Variants in CCDC85A observed in about 807,000 individuals in gnomAD.
CCDC85A encodes coiled-coil domain-containing protein 85A.
Under a neutral mutation model 50.2 loss-of-function variants are expected in CCDC85A, and 38 were observed. The observed-to-expected ratio is 0.76, with a 90% CI of 0.58 to 0.99. CCDC85A has a LOEUF of 0.99. CCDC85A is among the 50% of genes least tolerant of loss of function. The pLI is 0.00. For missense variants in CCDC85A, 820 were observed against 742.0 expected (o/e 1.11, Z -1.22); for synonymous variants, 366 against 301.4 (o/e 1.21, Z -2.22).
intron 2 of CCDC85A, among the ~76,000 whole-genome samples, chr2:56,242,364 G>C (rs1573085156): frequency 6.6e-6 from 1 of 152,068 alleles, no homozygotes; most frequent in South Asian, 2.1e-4. Flanking sequence ...GCTTGCATCT[G>C]CTTGGTTTCC....
intron 2 of CCDC85A, among the ~76,000 whole-genome samples, chr2:56,309,429 C>G (rs1271870321): frequency 6.6e-6 from 1 of 152,050 alleles, no homozygotes; most frequent in Non-Finnish European, 1.5e-5. Flanking sequence ...GACTAGGTTT[C>G]TAAAATATTT....
At chr2:56,241,324 C>A (rs1318774457) in intron 2 of CCDC85A, among the ~76,000 whole-genome samples, 1 of 152,056 alleles carries the variant, frequency 6.6e-6, no homozygotes, top group African/African-American at 2.4e-5. Flanking sequence ...GTGTTACAAA[C>A]AATCCAGTTA....
chr2:56,351,537 C>T (rs10166259), intron 3 of CCDC85A, among the ~76,000 whole-genome samples: 38,709 of 125,588 alleles, frequency 0.31, 9,485 homozygotes, highest in African/African-American at 0.59. Context: ...TTTTAATGAT[C>T]GCCATTCTAA....
chr2:56,293,054 C>T (rs1671788819), intron 2 of CCDC85A, among the ~76,000 whole-genome samples: 1 of 152,172 alleles, frequency 6.6e-6, no homozygotes, highest in Non-Finnish European at 1.5e-5. Context: ...GACCAGGCTA[C>T]CCCCAGCTGG....
At chr2:56,360,200 A>C (rs940907388) in intron 3 of CCDC85A, among the ~76,000 whole-genome samples, 1 of 152,270 alleles carries the variant, frequency 6.6e-6, no homozygotes, top group Non-Finnish European at 1.5e-5. Context: ...ATGCTTGGTC[A>C]GTGACTAATG....
intron 3 of CCDC85A, among the ~76,000 whole-genome samples, chr2:56,348,757 T>TG: frequency 6.6e-6 from 1 of 152,322 alleles, no homozygotes; most frequent in South Asian, 2.1e-4. Flanking sequence ...ATTACTAGCA[T>TG]GGGGGCAGAG....
At position 56,355,505 on chromosome 2, in the gene CCDC85A, A is replaced by T. The variant is rs544045376; in HGVS notation, c.1317+12550A>T. Among the ~76,000 whole-genome samples, 206 of 152,294 alleles carry T rather than the reference A, an allele frequency of 1.4e-3. 1 individual carries two copies. The highest frequency in any genetic ancestry group is 4.1e-3 in the African/African-American group (170 of 41,576). ...ATATTTGTGATTTCAGAAATGCTTA[A>T]TTGAGACCAAAATAATGAAGCCCTC... is the stretch of plus-strand genomic sequence containing the variant. On this transcript the variant is annotated intron_variant, in intron 3 of 5. Coordinates refer to ENST00000407595, the MANE Select transcript of CCDC85A (RefSeq NM_001080433.2).
Position 56,192,912 on chromosome 2 carries a change from C to A in CCDC85A, c.712C>A (p.Gln238Lys). Residue 238 changes from glutamine to lysine, a missense_variant, in exon 2 of 6, where the codon CAG becomes AAG. Gln to Lys is a moderately conservative substitution (Grantham distance 53). Coordinates refer to ENST00000407595, the MANE Select transcript of CCDC85A (RefSeq NM_001080433.2). The surrounding 1 kb of genome is among the most constrained non-coding windows in gnomAD (Gnocchi z 4.7). ...GAGCAGTGGCAGCCCGGAGCACCTG[C>A]AGAAGCCCCGGAGCGAGGGCAGCCC... ...HASSGSPEHL[Q>K]KPRSEGSPEH... 2 of 1,611,534 alleles carry A rather than the reference C, an allele frequency of 1.2e-6. No homozygotes were observed. Among genetic ancestry groups the A allele is most frequent in the Non-Finnish European group, 1.7e-6 (2 of 1,179,138 alleles).
chr2:56,322,463 C>A (rs892350377), intron 2 of CCDC85A, among the ~76,000 whole-genome samples: 1 of 151,996 alleles, frequency 6.6e-6, no homozygotes, highest in Non-Finnish European at 1.5e-5. Context: ...ATCAAACAAC[C>A]CCATTAAAAA....
chr2:56,254,375 G>A (rs185524960), intron 2 of CCDC85A, among the ~76,000 whole-genome samples: 5 of 152,156 alleles, frequency 3.3e-5, no homozygotes, highest in Non-Finnish European at 5.9e-5. Context: ...GGATAAAAAT[G>A]TGGACCCCAT....
chr2:56,187,189 G>A (rs185011643), intron 1 of CCDC85A, among the ~76,000 whole-genome samples: 3 of 151,392 alleles, frequency 2.0e-5, no homozygotes, highest in Non-Finnish European at 4.4e-5. Context: ...AAGAAAAGAA[G>A]TATTTTTTTT....
At chr2:56,213,981 T>C (rs1004466121) in intron 2 of CCDC85A, among the ~76,000 whole-genome samples, 1 of 151,920 alleles carries the variant, frequency 6.6e-6, no homozygotes. Flanking sequence ...GGCCAAGATA[T>C]GGCAGCAGAC....
chr2:56,317,867 G>C (rs1672990960), intron 2 of CCDC85A, among the ~76,000 whole-genome samples: 1 of 151,990 alleles, frequency 6.6e-6, no homozygotes, highest in Non-Finnish European at 1.5e-5. Flanking sequence ...ATGAAGTTGG[G>C]GGATTACCTA....
intron 2 of CCDC85A, among the ~76,000 whole-genome samples, chr2:56,261,305 C>G (rs1573121742): frequency 6.6e-6 from 1 of 152,208 alleles, no homozygotes; most frequent in East Asian, 1.9e-4. Context: ...CAGGTGTTCT[C>G]TCTCTTTTCC....
chr2:56,314,631 C>G (rs758261793), intron 2 of CCDC85A, among the ~76,000 whole-genome samples: 1 of 138,654 alleles, frequency 7.2e-6, no homozygotes, highest in Non-Finnish European at 1.5e-5. Context: ...AATATTTCTT[C>G]CCCCAGTTTG....
At chr2:56,364,675 A>G (rs1391705371) in intron 3 of CCDC85A, among the ~76,000 whole-genome samples, 3 of 152,202 alleles carry the variant, frequency 2.0e-5, no homozygotes, top group Non-Finnish European at 4.4e-5. Context: ...GGTTAATAGC[A>G]TGACCATTTA....
chr2:56,238,191 G>A (rs757677899), intron 2 of CCDC85A, among the ~76,000 whole-genome samples: 7 of 152,032 alleles, frequency 4.6e-5, no homozygotes, highest in South Asian at 2.1e-4. Flanking sequence ...CGAGGTGGGC[G>A]GATCACCTGA....
chr2:56,280,853 C>G (rs1671174302), intron 2 of CCDC85A, among the ~76,000 whole-genome samples: 1 of 152,178 alleles, frequency 6.6e-6, no homozygotes, highest in African/African-American at 2.4e-5. Flanking sequence ...ACTAGTTTCA[C>G]TCATAAAGTA....
At chr2:56,189,478 G>A (rs1676205059) in intron 1 of CCDC85A, among the ~76,000 whole-genome samples, 1 of 151,832 alleles carries the variant, frequency 6.6e-6, no homozygotes, top group Non-Finnish European at 1.5e-5. Flanking sequence ...TTTTAGTAGA[G>A]ACAGGTTTCA....
Sources: allele counts gnomAD v4.1 joint callset (sites outside exome capture counted in the v4.1 genomes callset), GRCh38; gene constraint gnomAD v4.1.1; non-coding constraint Gnocchi (gnomAD v3.1); transcripts MANE v1.5; gene names NCBI Gene and HGNC (gene_info 2026-07-23, HGNC 2026-07-21).